CHRD: variants seen among roughly 807,000 people sequenced by gnomAD.
CHRD encodes the protein chordin.
Under a neutral mutation model 113.7 loss-of-function variants are expected in CHRD, and 69 were observed. That is an observed-to-expected ratio of 0.61 (90% CI 0.50 to 0.74). The LOEUF (loss-of-function observed/expected upper bound fraction) is 0.74, where lower values mean the gene tolerates loss of function less well. Among genes scored for constraint, CHRD ranks in the 30% least tolerant of loss-of-function variants. The probability of loss-of-function intolerance (pLI) is 0.00; values close to 1 mark genes in which losing one functional copy is unlikely to be tolerated. For synonymous variants in CHRD, 561 were observed against 540.8 expected, an observed-to-expected ratio of 1.04 and a Z score of -0.52; for missense variants, 1,194 against 1,295.8, an observed-to-expected ratio of 0.92 and a Z score of 1.21.
intron 15 of CHRD, 118 bp downstream of exon 15, chr3:184,386,277 C>T (rs1438781345): frequency 7.9e-6 from 10 of 1,259,958 alleles, no homozygotes; most frequent in East Asian, 2.5e-5. Flanking sequence ...CGTATCACAG[C>T]GCCCCCCCGG....
Position 184,384,456 on chromosome 3 carries a change from G to A in CHRD, c.1441-81G>A, listed in dbSNP as rs928619742. 7 of 1,365,258 alleles carry A rather than the reference G, an allele frequency of 5.1e-6. No homozygotes were observed. The highest frequency in any genetic ancestry group is 5.7e-6 in the Non-Finnish European group (6 of 1,055,742). 84.6% of individuals were successfully genotyped at this position (1,365,258 alleles called of 1,614,324 possible). On this transcript the variant is annotated intron_variant, in intron 12 of 22. Transcript: ENST00000204604. This position sits in a 1 kb window ranked among gnomAD's most constrained non-coding sequence, Gnocchi z 4.4. Reference sequence around the variant, plus strand: ...GTGTGTGGAAGTGTGTGTGGGTGGAGTGGGGGCACAAAATGGTCCAAGACT... The same window carrying A: ...GTGTGTGGAAGTGTGTGTGGGTGGAATGGGGGCACAAAATGGTCCAAGACT...
intron 6 of CHRD, 137 bp from the exon 7 acceptor site, chr3:184,382,252 G>T (rs1715554494): frequency 1.4e-6 from 2 of 1,399,386 alleles, no homozygotes; most frequent in African/African-American, 2.9e-5. Context: ...TCTGGCTCCA[G>T]CGTTCTTTCT....
chr3:184,383,550 G>T (rs973190059), exon 12 of CHRD: 3 of 1,614,132 alleles, frequency 1.9e-6, no homozygotes, highest in Non-Finnish European at 1.7e-6. Flanking sequence ...AAGCAGTGAG[G>T]TGGTGGCCAT....
In CHRD at chr3:184,381,580, G is replaced by A; in HGVS notation, c.467G>A (p.Gly156Glu). The change falls in exon 4 of 23, where the codon GGG becomes GAG. Residue 156 changes from glycine (G) to glutamate (E), a missense_variant. Coordinates refer to ENST00000204604, the Ensembl canonical transcript of CHRD. This position sits in a 1 kb window ranked among gnomAD's most constrained non-coding sequence, Gnocchi z 4.7. ...GAGCATCGCAGTTATAGCGACCGCG[G>A]GGAGCCAGGCGCTGAGGAGCGGGCC... The A allele has an allele frequency of 6.2e-7, 1 of 1,608,608 alleles. No homozygotes were observed. Among genetic ancestry groups the A allele is most frequent in the South Asian group, 1.1e-5 (1 of 90,686 alleles).
At chr3:184,383,537 G>C in exon 12 of CHRD, 2 of 1,614,098 alleles carry the variant, frequency 1.2e-6, no homozygotes, top group Non-Finnish European at 1.7e-6. Flanking sequence ...AAGTGGTAGG[G>C]ACAAGCAGTG....
Position 184,386,927 on chromosome 3 carries a change from C to A in CHRD, c.2279C>A (p.Pro760His), listed in dbSNP as rs1369623177. The stretch of plus-strand genomic sequence containing the variant: ...GTGCAGGCTCCCGACCAGTGCTGCC[C>A]TGTTTGCCCTGGTGAGTTCCCCGCA... The change falls in exon 17 of 23, where the codon CCT (proline) becomes CAT (histidine). Residue 760 changes from proline to histidine, a missense_variant. Coordinates refer to ENST00000204604, the Ensembl canonical transcript of CHRD. 9 of 1,614,084 alleles carry A rather than the reference C, an allele frequency of 5.6e-6. No individual in the cohort carries two copies. Among genetic ancestry groups the A allele is most frequent in the Non-Finnish European group, 6.8e-6 (8 of 1,180,028 alleles).
intron 22 of CHRD, among the ~76,000 whole-genome samples, 156 bp from the exon 23 acceptor site, chr3:184,389,211 C>T (rs368315500): frequency 2.0e-5 from 3 of 152,342 alleles, no homozygotes; most frequent in South Asian, 2.1e-4. Flanking sequence ...AATTAAGCAA[C>T]GAGATGAAGG....
exon 7 of CHRD, chr3:184,382,470 C>T (rs745630288): frequency 1.2e-6 from 2 of 1,614,124 alleles, no homozygotes; most frequent in South Asian, 1.1e-5. Context: ...ACTTGTGACA[C>T]TCACTCACCC....
Position 184,381,035 on chromosome 3 carries a change from A to G in CHRD, c.253-200A>G. On this transcript the variant is annotated intron_variant, in intron 2 of 22. Coordinates refer to ENST00000204604, the Ensembl canonical transcript of CHRD. This position sits in a 1 kb window ranked among gnomAD's most constrained non-coding sequence, Gnocchi z 4.7. ...TCCCTGCTCATCTAACTCTCATGGC[A>G]GCCTTGCTAGATAGAGAGTATTATT... 1.3e-6 allele frequency: 1 copy of G among 755,816 alleles called. No homozygotes were observed. The highest frequency in any genetic ancestry group is 1.5e-5 in the South Asian group (1 of 67,850). The allele number at this position is 755,816 out of a possible 1,614,324, so 46.8% of individuals were successfully genotyped here.
chr3:184,383,365 G>T (rs778615801), exon 11 of CHRD: 30 of 1,613,866 alleles, frequency 1.9e-5, no homozygotes, highest in Non-Finnish European at 2.0e-5. Flanking sequence ...CCAGACGGGT[G>T]CTGCCGGCTC....
rs986102336 is a variant in CHRD at position 184,387,857 on chromosome 3, G to A, written c.2452-74G>A. The A allele has an allele frequency of 6.8e-6, 9 of 1,318,288 alleles. No homozygotes were observed. The African/African-American group carries it at 1.2e-4, about 17-fold the overall frequency. 81.7% of individuals were successfully genotyped at this position (1,318,288 alleles called of 1,614,324 possible). A position where few individuals can be genotyped will look rare whatever the true frequency, so the allele number is the denominator to read the frequency against. Reference sequence around the variant, plus strand: ...CACAGAGAGACTGCATTTGAGGTGTGGAATAGGAGAGGGAGTGGGCAGGAG... The same window carrying A: ...CACAGAGAGACTGCATTTGAGGTGTAGAATAGGAGAGGGAGTGGGCAGGAG... On this transcript the variant is annotated intron_variant, in intron 19 of 22. Transcript: ENST00000204604. The surrounding 1 kb of genome is among the most constrained non-coding windows in gnomAD (Gnocchi z 6.1).
At position 184,380,614 on chromosome 3, in the gene CHRD, C is replaced by T; in HGVS notation, c.149-78C>T. ...GGCAGAAGGGCGCGGTGCCTGGGAC[C>T]CGGGACCCGCGGGCAGCCCCCGGGG... On this transcript the variant is annotated intron_variant, in intron 1 of 22. Transcript: ENST00000204604. This position sits in a 1 kb window ranked among gnomAD's most constrained non-coding sequence, Gnocchi z 6.3. 8.0e-7 allele frequency: 1 copy of T among 1,246,040 alleles called. No individual in the cohort carries two copies. The highest frequency in any genetic ancestry group is 1.0e-6 in the Non-Finnish European group (1 of 959,196). 77.2% of individuals were successfully genotyped at this position (1,246,040 alleles called of 1,614,324 possible).
chr3:184,384,884 G>A lies in CHRD; in HGVS notation c.1598-134G>A. The A allele has an allele frequency of 8.3e-7, 1 of 1,207,122 alleles. No individual in the cohort carries two copies. The highest frequency in any genetic ancestry group is 1.2e-6 in the Non-Finnish European group (1 of 855,096). 74.8% of individuals were successfully genotyped at this position (1,207,122 alleles called of 1,614,324 possible). On this transcript the variant is annotated intron_variant, in intron 13 of 22. Transcript: ENST00000204604. This position sits in a 1 kb window ranked among gnomAD's most constrained non-coding sequence, Gnocchi z 4.4. ...GAGGTTCAAGGGTCTAAAACTTGCT[G>A]CTCTCCAGGCCCTGGACCTATGGAC...
In CHRD at chr3:184,380,539, C is replaced by A; in HGVS notation, c.148+73C>A. 9.6e-7 allele frequency: 1 copy of A among 1,044,594 alleles called. No homozygotes were observed. The highest frequency in any genetic ancestry group is 1.2e-6 in the Non-Finnish European group (1 of 849,956). 64.7% of individuals were successfully genotyped at this position (1,044,594 alleles called of 1,614,324 possible). ...CGAGTCAGCGCCAGCCCGGAGGGGG[C>A]GCGGGGCGCAGGTGGCTCGGCGCGG... On this transcript the variant is annotated intron_variant, in intron 1 of 22. Coordinates refer to ENST00000204604, the Ensembl canonical transcript of CHRD. This position sits in a 1 kb window ranked among gnomAD's most constrained non-coding sequence, Gnocchi z 6.3.
At position 184,387,994 on chromosome 3, in the gene CHRD, G is replaced by A; in HGVS notation, c.2515G>A (p.Val839Met). 1 of 1,613,848 alleles carries A rather than the reference G, an allele frequency of 6.2e-7. No homozygotes were observed. The highest frequency in any genetic ancestry group is 8.5e-7 in the Non-Finnish European group (1 of 1,179,974). The change falls in exon 20 of 23, where the codon GTG (valine) becomes ATG (methionine). Residue 839 changes from valine (V) to methionine (M), a missense_variant. Transcript: ENST00000204604. The surrounding 1 kb of genome is among the most constrained non-coding windows in gnomAD (Gnocchi z 6.1). ...TCCCCGGCTGGCCTGTGCCCAGCCT[G>A]TGCGTGTCAACCCCACCGACTGCTG...
chr3:184,384,885 C>T lies in CHRD; in HGVS notation c.1598-133C>T. The stretch of plus-strand genomic sequence containing the variant: ...AGGTTCAAGGGTCTAAAACTTGCTG[C>T]TCTCCAGGCCCTGGACCTATGGACA... On this transcript the variant is annotated intron_variant, in intron 13 of 22. Coordinates refer to ENST00000204604, the Ensembl canonical transcript of CHRD. The surrounding 1 kb of genome is among the most constrained non-coding windows in gnomAD (Gnocchi z 4.4). The T allele has an allele frequency of 1.7e-6, 2 of 1,205,684 alleles. No homozygotes were observed. The highest frequency in any genetic ancestry group is 2.3e-6 in the Non-Finnish European group (2 of 854,070). The allele number at this position is 1,205,684 out of a possible 1,614,324, so 74.7% of individuals were successfully genotyped here.
At chr3:184,383,370 C>T (rs1425886042) in exon 11 of CHRD, 69 of 1,613,850 alleles carry the variant, frequency 4.3e-5, no homozygotes, top group Non-Finnish European at 5.3e-5. Flanking sequence ...CGGGTGCTGC[C>T]GGCTCAGCCA....
exon 17 of CHRD, chr3:184,386,903 T>G (rs1314054966): frequency 6.2e-7 from 1 of 1,613,992 alleles, no homozygotes; most frequent in African/African-American, 1.3e-5. Flanking sequence ...CCACACCCGG[T>G]GCAGGCTCCC....
chr3:184,386,478 GC>G lies in CHRD; in HGVS notation c.1933-12del. 6.5e-7 allele frequency: 1 copy of G among 1,536,974 alleles called. No homozygotes were observed. Among genetic ancestry groups the G allele is most frequent in the Non-Finnish European group, 8.7e-7 (1 of 1,145,338 alleles). Reference sequence around the variant, plus strand: ...GGGAGCCCCAGCGCTGCCTCAGTTGGCCTCTCCTCCCAGGTGCACATAGCCA... The same window carrying G: ...GGGAGCCCCAGCGCTGCCTCAGTTGGCTCTCCTCCCAGGTGCACATAGCCA... On this transcript the variant is annotated splice_polypyrimidine_tract_variant and intron_variant, in intron 15 of 22. Transcript: ENST00000204604.
Sources: allele counts gnomAD v4.1 joint callset (sites outside exome capture counted in the v4.1 genomes callset), GRCh38; gene constraint gnomAD v4.1.1; non-coding constraint Gnocchi (gnomAD v3.1); transcripts MANE v1.5; gene names NCBI Gene and HGNC (gene_info 2026-07-23, HGNC 2026-07-21).